LGR4: variants seen among roughly 807,000 people sequenced by gnomAD.
The protein encoded by LGR4 is leucine-rich repeat-containing G protein-coupled receptor 4.
In LGR4, 44 loss-of-function variants were observed where a neutral mutation model predicts 84.8. The ratio of observed to expected loss-of-function variants is 0.52; its 90% CI spans 0.41 to 0.67. LGR4 has a LOEUF of 0.67. Ranked by LOEUF, LGR4 falls within the 30% of genes least tolerant of loss-of-function variation. LGR4 has a pLI of 0.00. For synonymous variants in LGR4, 429 were observed against 434.3 expected (o/e 0.99, Z 0.15); for missense variants, 1,032 against 1,131.4 (o/e 0.91, Z 1.26).
chr11:27,381,624 G>A (rs1863095752), intron 7 of LGR4, among the ~76,000 whole-genome samples: 1 of 152,142 alleles, frequency 6.6e-6, no homozygotes, highest in African/African-American at 2.4e-5. Context: ...CAAGGCTGCA[G>A]TGAGCTGTGA....
At chr11:27,425,299 G>A (rs901021908) in intron 1 of LGR4, among the ~76,000 whole-genome samples, 3 of 151,138 alleles carry the variant, frequency 2.0e-5, no homozygotes, top group South Asian at 2.1e-4. Flanking sequence ...TGGTACAATC[G>A]CAGTTTATAG....
intron 13 of LGR4, 140 bp from the exon 14 acceptor site, chr11:27,374,186 T>C: frequency 1.5e-6 from 1 of 664,740 alleles, no homozygotes; most frequent in East Asian, 2.5e-5. Context: ...GCCAGCAATA[T>C]TTTTTCATGT....
chr11:27,448,306 T>TG (rs895241315), intron 1 of LGR4, among the ~76,000 whole-genome samples: 5 of 151,812 alleles, frequency 3.3e-5, no homozygotes, highest in Non-Finnish European at 7.4e-5. Flanking sequence ...TTTTTTTTTT[T>TG]TTGAGACAGA....
rs565481256 is a variant in LGR4, at chr11:27,431,709, A to G, written c.186-18849T>C. On this transcript the variant is annotated intron_variant, in intron 1 of 17. Coordinates refer to ENST00000379214, the MANE Select transcript of LGR4 (RefSeq NM_018490.5). ...CTCAGGACAAAAGGATTGTCCATCC[A>G]AAGAACTTACTAATCCGTGTAAGAT... is the stretch of plus-strand genomic sequence containing the variant. Among the ~76,000 whole-genome samples, 3 of 152,308 alleles carry G rather than the reference A, an allele frequency of 2.0e-5. No individual in the cohort carries two copies. The South Asian group carries it at 6.2e-4, about 32-fold the overall frequency.
chr11:27,466,246 CT>C (rs949978669), intron 1 of LGR4, among the ~76,000 whole-genome samples: 1 of 152,098 alleles, frequency 6.6e-6, no homozygotes, highest in Admixed American at 6.5e-5. Flanking sequence ...AGATATTTAT[CT>C]TTTTTTAATA....
At chr11:27,390,381 T>C (rs567787502) in intron 4 of LGR4, among the ~76,000 whole-genome samples, 1 of 152,230 alleles carries the variant, frequency 6.6e-6, no homozygotes, top group African/African-American at 2.4e-5. Context: ...TTATTCAGAG[T>C]GCTTCTGGGG....
At chr11:27,390,284 T>C (rs957446567) in intron 4 of LGR4, among the ~76,000 whole-genome samples, 1 of 152,146 alleles carries the variant, frequency 6.6e-6, no homozygotes, top group Admixed American at 6.6e-5. Flanking sequence ...ATACAAAACC[T>C]AAGAGACAAA....
At position 27,400,489 on chromosome 11, in the gene LGR4, T is replaced by C. The variant is rs180975037; in HGVS notation, c.258-7971A>G. ...ATCCTAGAAACAAAAAAGTGTTGTT[T>C]TGTGTTATTTTCTTTTCCTTTTTTT... On this transcript the variant is annotated intron_variant, in intron 2 of 17. Coordinates refer to ENST00000379214, the MANE Select transcript of LGR4 (RefSeq NM_018490.5). Among the ~76,000 whole-genome samples, 26 of 152,118 alleles carry C rather than the reference T, an allele frequency of 1.7e-4. No homozygotes were observed. In the East Asian group the frequency reaches 4.8e-3, roughly 28 times the overall value.
intron 4 of LGR4, among the ~76,000 whole-genome samples, chr11:27,389,388 T>C (rs1863240981): frequency 6.6e-6 from 1 of 152,132 alleles, no homozygotes; most frequent in Non-Finnish European, 1.5e-5. Flanking sequence ...AGCAATTTGC[T>C]CCATGAATGA....
intron 1 of LGR4, among the ~76,000 whole-genome samples, chr11:27,440,160 C>A (rs1298914842): frequency 6.6e-6 from 1 of 152,132 alleles, no homozygotes; most frequent in African/African-American, 2.4e-5. Context: ...CCCGCCTCGG[C>A]CTCCTAAAGT....
chr11:27,414,728 G>C (rs768547497), intron 1 of LGR4, among the ~76,000 whole-genome samples: 5 of 151,606 alleles, frequency 3.3e-5, no homozygotes, highest in Non-Finnish European at 5.9e-5. Flanking sequence ...ACTCTAGCAA[G>C]ATACTGGAGA....
intron 1 of LGR4, among the ~76,000 whole-genome samples, chr11:27,446,833 C>T (rs1864398791): frequency 6.6e-6 from 1 of 152,094 alleles, no homozygotes; most frequent in Non-Finnish European, 1.5e-5. Flanking sequence ...GGCACATATA[C>T]ACCATGGAAT....
intron 1 of LGR4, among the ~76,000 whole-genome samples, chr11:27,452,424 T>C (rs1334637603): frequency 1.3e-5 from 2 of 152,078 alleles, no homozygotes; most frequent in Non-Finnish European, 2.9e-5. Context: ...CTACAGACCC[T>C]ACTCAGATGG....
At chr11:27,446,190 G>C (rs951007296) in intron 1 of LGR4, among the ~76,000 whole-genome samples, 1 of 152,240 alleles carries the variant, frequency 6.6e-6, no homozygotes. Flanking sequence ...TTAGCCCTTT[G>C]TCAGATGGGT....
At chr11:27,395,432 AAG>A (rs1238575443) in intron 2 of LGR4, among the ~76,000 whole-genome samples, 3 of 152,232 alleles carry the variant, frequency 2.0e-5, no homozygotes, top group African/African-American at 7.2e-5. Context: ...GTCAACAGAA[AAG>A]AGTGTTTGAC....
At chr11:27,390,204 T>G (rs1863257448) in intron 4 of LGR4, among the ~76,000 whole-genome samples, 1 of 152,182 alleles carries the variant, frequency 6.6e-6, no homozygotes, top group African/African-American at 2.4e-5. Flanking sequence ...GACAAGCAGC[T>G]CAATCATTTT....
intron 1 of LGR4, among the ~76,000 whole-genome samples, chr11:27,461,609 A>G (rs1864682462): frequency 6.6e-6 from 1 of 151,092 alleles, no homozygotes; most frequent in Admixed American, 6.6e-5. Context: ...ACTTTCTAAA[A>G]ACATTATGGG....
chr11:27,437,027 A>G (rs1485092312), intron 1 of LGR4, among the ~76,000 whole-genome samples: 1 of 152,000 alleles, frequency 6.6e-6, no homozygotes, highest in East Asian at 1.9e-4. Flanking sequence ...CCCCCCTTCC[A>G]TTTTACTTTG....
intron 1 of LGR4, among the ~76,000 whole-genome samples, chr11:27,432,796 A>G (rs1427761016): frequency 6.6e-6 from 1 of 152,080 alleles, no homozygotes; most frequent in African/African-American, 2.4e-5. Flanking sequence ...TGCTTCACCT[A>G]TATTCTTCCG....
Sources: gnomAD v4.1 joint callset for allele counts (sites outside exome capture counted in the v4.1 genomes callset) on GRCh38, gnomAD v4.1.1 for gene constraint, MANE v1.5 for transcripts, NCBI Gene and HGNC (gene_info 2026-07-23, HGNC 2026-07-21) for gene names.